P2RY2: variants seen among roughly 807,000 people sequenced by gnomAD.
P2RY2 encodes P2Y purinoceptor 2.
For missense variants in P2RY2, 567 were observed against 515.7 expected (o/e 1.10, Z -0.96); for synonymous variants, 241 against 231.9 (o/e 1.04, Z -0.35).
In P2RY2 at chr11:73,239,539, C is replaced by A. The variant is rs559969615; in HGVS notation, c.*4246C>A. On this transcript the variant is annotated 3_prime_UTR_variant, in exon 3 of 3. Coordinates refer to ENST00000393597, the MANE Select transcript of P2RY2 (RefSeq NM_002564.4). Reference sequence around the variant, plus strand: ...CATTTCTCCCTGACTGGGGTGTCCACCATGGTGCTCTGCAGCCACCTCTCA... The same window carrying A: ...CATTTCTCCCTGACTGGGGTGTCCAACATGGTGCTCTGCAGCCACCTCTCA... 6.6e-6 allele frequency: 1 copy of A among 152,386 alleles called. No homozygotes were observed. Among genetic ancestry groups the A allele is most frequent in the East Asian group, 1.9e-4 (1 of 5,180 alleles). The allele number at this position is 152,386 out of a possible 1,614,324, so 9.4% of individuals were successfully genotyped here. A position where few individuals can be genotyped will look rare whatever the true frequency, so the allele number is the denominator to read the frequency against.
chr11:73,222,011 A>C (rs1022208253), intron 1 of P2RY2, among the ~76,000 whole-genome samples: 2 of 152,094 alleles, frequency 1.3e-5, no homozygotes, highest in African/African-American at 4.8e-5. Context: ...CCTAGGCCTG[A>C]GTCTTTCCTG....
At position 73,236,118 on chromosome 11, in the gene P2RY2, T is replaced by G. The variant is rs1174490053; in HGVS notation, c.*825T>G. 2 of 1,000,086 alleles carry G rather than the reference T, an allele frequency of 2.0e-6. No individual in the cohort carries two copies. The highest frequency in any genetic ancestry group is 4.7e-5 in the South Asian group (1 of 21,270). 62.0% of individuals were successfully genotyped at this position (1,000,086 alleles called of 1,614,324 possible). On this transcript the variant is annotated 3_prime_UTR_variant, in exon 3 of 3. Transcript: ENST00000393597. ...AGGTCATCCCCCACTGTAAAGCCAG[T>G]TGGCTTCTGTGCCTGACTCTGTGCT... is the stretch of plus-strand genomic sequence containing the variant.
chr11:73,218,552 G>C (rs1228682016), intron 1 of P2RY2, 120 bp downstream of exon 1: 1 of 152,460 alleles, frequency 6.6e-6, no homozygotes, highest in Non-Finnish European at 1.5e-5. Context: ...AGCGGCTGTC[G>C]CCCCGGGGCA....
rs902459731 is a variant in P2RY2, at chr11:73,241,962, C to T, written c.*6669C>T. ...TCCCTGAGTGATTTTCCTGCACACC[C>T]TGCTGGGGATGTGGAAGCCTGTCCC... On this transcript the variant is annotated 3_prime_UTR_variant, in exon 3 of 3. Transcript: ENST00000393597. 6.6e-6 allele frequency: 1 copy of T among 152,266 alleles called. No individual in the cohort carries two copies. Among genetic ancestry groups the T allele is most frequent in the Non-Finnish European group, 1.5e-5 (1 of 68,116 alleles). 9.4% of individuals were successfully genotyped at this position (152,266 alleles called of 1,614,324 possible).
chr11:73,238,592 A>G lies in P2RY2; in HGVS notation c.*3299A>G, dbSNP rs1177433743. 6.6e-6 allele frequency among the ~76,000 whole-genome samples: 1 copy of G among 152,102 alleles called. No individual in the cohort carries two copies. The highest frequency in any genetic ancestry group is 1.5e-5 in the Non-Finnish European group (1 of 68,004). ...CATGAGGGAGGGAAGTCGTGTATTG[A>G]CCCATGTCCCACGCACCCTCTCATC... On this transcript the variant is annotated 3_prime_UTR_variant, in exon 3 of 3. Coordinates refer to ENST00000393597, the MANE Select transcript of P2RY2 (RefSeq NM_002564.4).
chr11:73,235,275 TAAG>T lies in P2RY2; in HGVS notation c.1117_1119del (p.Lys373del). 6.4e-7 allele frequency: 1 copy of T among 1,564,700 alleles called. No individual in the cohort carries two copies. On this transcript the variant is annotated inframe_deletion, in exon 3 of 3. Transcript: ENST00000393597. ...CCACGCCGGCTGGTAGCGAGAACAC[TAAG>T]GACATTCGGCTGTAGGAGCAGAACA... is the stretch of plus-strand genomic sequence containing the variant.
At chr11:73,221,538 G>A (rs1353148784) in intron 1 of P2RY2, among the ~76,000 whole-genome samples, 2 of 152,248 alleles carry the variant, frequency 1.3e-5, no homozygotes, top group South Asian at 2.1e-4. Context: ...ATAAGGTAAC[G>A]CCTGCCCAGA....
intron 1 of P2RY2, among the ~76,000 whole-genome samples, chr11:73,225,293 C>T (rs1229672881): frequency 6.6e-6 from 1 of 152,224 alleles, no homozygotes; most frequent in Non-Finnish European, 1.5e-5. Context: ...CCTAGAACCA[C>T]AAAGAGAAAG....
intron 2 of P2RY2, among the ~76,000 whole-genome samples, chr11:73,229,311 G>T (rs1862379284): frequency 6.6e-6 from 1 of 152,154 alleles, no homozygotes; most frequent in Non-Finnish European, 1.5e-5. Context: ...GAGCCTGGAA[G>T]GGTCTTACAA....
Position 73,219,042 on chromosome 11 carries a change from C to G in P2RY2, c.-200+610C>G, listed in dbSNP as rs140312086. Reference sequence around the variant, plus strand: ...AGGGTCAGTCAGGAGAAAGGCGATACCCCACCCCCCAACCCGAAGGCTGCC... The same window carrying G: ...AGGGTCAGTCAGGAGAAAGGCGATAGCCCACCCCCCAACCCGAAGGCTGCC... On this transcript the variant is annotated intron_variant, in intron 1 of 2. Transcript: ENST00000393597. Among the ~76,000 whole-genome samples the G allele has an allele frequency of 2.8e-3, 432 of 152,294 alleles. 2 individuals are homozygous for G. The highest frequency in any genetic ancestry group is 9.8e-3 in the African/African-American group (408 of 41,556).
intron 2 of P2RY2, among the ~76,000 whole-genome samples, chr11:73,230,626 T>G (rs1186006671): frequency 6.6e-6 from 1 of 152,090 alleles, no homozygotes; most frequent in Non-Finnish European, 1.5e-5. Flanking sequence ...CTGGGTTCTC[T>G]GCACTGAGGG....
At chr11:73,234,100 C>T (rs528692591) in intron 2 of P2RY2, 56 bp from the exon 3 acceptor site, 2 of 1,538,494 alleles carry the variant, frequency 1.3e-6, no homozygotes, top group Non-Finnish European at 1.7e-6. Flanking sequence ...TGTGTCAGGT[C>T]CCCTAGGGGC....
At chr11:73,226,676 A>G (rs758903830) in intron 1 of P2RY2, among the ~76,000 whole-genome samples, 3 of 152,070 alleles carry the variant, frequency 2.0e-5, no homozygotes, top group Admixed American at 1.3e-4. Context: ...TGCATGTTCT[A>G]TTTCTCCTGT....
intron 2 of P2RY2, among the ~76,000 whole-genome samples, chr11:73,230,573 G>C (rs1309471310): frequency 6.6e-6 from 1 of 152,128 alleles, no homozygotes; most frequent in Non-Finnish European, 1.5e-5. Context: ...TTACAGCTGA[G>C]GAAACAGAAG....
intron 2 of P2RY2, among the ~76,000 whole-genome samples, chr11:73,230,488 T>C (rs141147813): frequency 2.9e-4 from 44 of 152,240 alleles, no homozygotes; most frequent in African/African-American, 9.9e-4. Flanking sequence ...TGCCAGGCTC[T>C]ACTCCAGACA....
At chr11:73,229,260 A>C (rs1862377426) in intron 2 of P2RY2, among the ~76,000 whole-genome samples, 1 of 152,124 alleles carries the variant, frequency 6.6e-6, no homozygotes, top group Non-Finnish European at 1.5e-5. Context: ...GGTTCGGGGA[A>C]GGCTTTCCAG....
intron 1 of P2RY2, among the ~76,000 whole-genome samples, chr11:73,219,529 C>T (rs555884794): frequency 2.6e-5 from 4 of 152,304 alleles, no homozygotes; most frequent in South Asian, 2.1e-4. Flanking sequence ...CCCCCATGGG[C>T]AGGCTCACAG....
rs1862670823 is a variant in P2RY2 at position 73,237,016 on chromosome 11, C to A, written c.*1723C>A. Reference sequence around the variant, plus strand: ...GGCCCACTCTGCCTGCCCCCTCTGACCTCTCCACCCTTCCCACTCTGCCTT... The same window carrying A: ...GGCCCACTCTGCCTGCCCCCTCTGAACTCTCCACCCTTCCCACTCTGCCTT... On this transcript the variant is annotated 3_prime_UTR_variant, in exon 3 of 3. Coordinates refer to ENST00000393597, the MANE Select transcript of P2RY2 (RefSeq NM_002564.4). 1 of 985,232 alleles carries A rather than the reference C, an allele frequency of 1.0e-6. No homozygotes were observed. The highest frequency in any genetic ancestry group is 1.7e-5 in the African/African-American group (1 of 57,196). 61.0% of individuals were successfully genotyped at this position (985,232 alleles called of 1,614,324 possible). A position where few individuals can be genotyped will look rare whatever the true frequency, so the allele number is the denominator to read the frequency against.
intron 1 of P2RY2, among the ~76,000 whole-genome samples, chr11:73,226,033 G>A (rs928532780): frequency 2.0e-5 from 3 of 152,238 alleles, no homozygotes; most frequent in African/African-American, 7.2e-5. Context: ...CGGGGCAGGG[G>A]TGGAGGCACG....
Sources: gnomAD v4.1 joint callset for allele counts (sites outside exome capture counted in the v4.1 genomes callset) on GRCh38, gnomAD v4.1.1 for gene constraint, MANE v1.5 for transcripts, NCBI Gene and HGNC (gene_info 2026-07-23, HGNC 2026-07-21) for gene names.